CLIC4: variants seen among roughly 807,000 people sequenced by gnomAD.
The protein encoded by CLIC4 is chloride intracellular channel protein 4.
CLIC4 carries 13 observed loss-of-function variants against 24.6 expected under a neutral mutation model. That is an observed-to-expected ratio of 0.53 (90% CI 0.34 to 0.84). CLIC4 has a LOEUF of 0.84. Ranked by LOEUF, CLIC4 falls within the 40% of genes least tolerant of loss-of-function variation. CLIC4 has a pLI of 0.01. For synonymous variants in CLIC4, 104 were observed against 111.3 expected (o/e 0.93, Z 0.41); for missense variants, 227 against 301.7 (o/e 0.75, Z 1.83).
chr1:24,793,730 G>C lies in CLIC4; in HGVS notation c.73-4012G>C, dbSNP rs141437452. On this transcript the variant is annotated intron_variant, in intron 1 of 5. Coordinates refer to ENST00000374379, the MANE Select transcript of CLIC4 (RefSeq NM_013943.3). ...GGATTTTTTTTTTTTCTTAAACCAA[G>C]CTCTGTTGTAACTGTTCCATGCTGT... Among the ~76,000 whole-genome samples, 17 of 151,140 alleles carry C rather than the reference G, an allele frequency of 1.1e-4. No individual in the cohort carries two copies. In the South Asian group the frequency reaches 3.5e-3, roughly 32 times the overall value.
At chr1:24,746,557 TAAA>T (rs535734100) in intron 1 of CLIC4, among the ~76,000 whole-genome samples, 1 of 151,840 alleles carries the variant, frequency 6.6e-6, no homozygotes, top group Non-Finnish European at 1.5e-5. Context: ...CCTCAAAACT[TAAA>T]AAAAACACTT....
At chr1:24,786,403 C>T (rs944984849) in intron 1 of CLIC4, among the ~76,000 whole-genome samples, 3 of 152,110 alleles carry the variant, frequency 2.0e-5, no homozygotes, top group Non-Finnish European at 4.4e-5. Context: ...TGATTAAATA[C>T]CAGTATTATG....
intron 1 of CLIC4, among the ~76,000 whole-genome samples, chr1:24,746,073 T>C (rs1295556653): frequency 6.6e-6 from 1 of 152,042 alleles, no homozygotes; most frequent in Non-Finnish European, 1.5e-5. Context: ...CGATGAGCTT[T>C]CAAACGAACT....
intron 1 of CLIC4, among the ~76,000 whole-genome samples, chr1:24,756,192 G>A (rs946349236): frequency 2.0e-5 from 3 of 152,050 alleles, no homozygotes; most frequent in African/African-American, 7.2e-5. Flanking sequence ...GTAGAGACGG[G>A]GTTTCACCGT....
At chr1:24,792,410 T>C (rs1368789184) in intron 1 of CLIC4, among the ~76,000 whole-genome samples, 1 of 152,166 alleles carries the variant, frequency 6.6e-6, no homozygotes, top group Non-Finnish European at 1.5e-5. Context: ...CAGGCTGATC[T>C]CAAACTCCTG....
chr1:24,751,739 C>T (rs564372585), intron 1 of CLIC4, among the ~76,000 whole-genome samples: 3 of 152,326 alleles, frequency 2.0e-5, no homozygotes, highest in Non-Finnish European at 2.9e-5. Context: ...TGGCGGGCGC[C>T]TGTAATCCCG....
intron 1 of CLIC4, among the ~76,000 whole-genome samples, chr1:24,783,172 T>C (rs1639225685): frequency 6.6e-6 from 1 of 152,220 alleles, no homozygotes; most frequent in Admixed American, 6.5e-5. Context: ...ATCTTGTGTA[T>C]GTAATGTTGT....
At chr1:24,755,600 TC>T (rs1638837509) in intron 1 of CLIC4, among the ~76,000 whole-genome samples, 1 of 150,256 alleles carries the variant, frequency 6.7e-6, no homozygotes, top group African/African-American at 2.5e-5. Flanking sequence ...CCGACGGAGA[TC>T]CTATCTCTTA....
intron 1 of CLIC4, among the ~76,000 whole-genome samples, chr1:24,783,482 G>A (rs1361350759): frequency 2.0e-5 from 3 of 152,184 alleles, no homozygotes; most frequent in Middle Eastern, 3.4e-3. Context: ...CAGATGGATC[G>A]CCTGAGGTCA....
rs552630401 is a variant in CLIC4 at position 24,784,003 on chromosome 1, ATT to A, written c.73-13722_73-13721del. ...GGCAAACTTCTTCATTCCAGTTTTG[ATT>A]TTTTTTTTTTTTTTTTGAGATGGAG... On this transcript the variant is annotated intron_variant, in intron 1 of 5. Coordinates refer to ENST00000374379, the MANE Select transcript of CLIC4 (RefSeq NM_013943.3). Among the ~76,000 whole-genome samples, 579 of 130,150 alleles carry A rather than the reference ATT, an allele frequency of 4.4e-3. 3 individuals are homozygous for A. Among genetic ancestry groups the A allele is most frequent in the African/African-American group, 0.015 (519 of 35,702 alleles). 85.4% of individuals were successfully genotyped at this position (130,150 alleles called of 152,430 possible). A position where few individuals can be genotyped will look rare whatever the true frequency, so the allele number is the denominator to read the frequency against.
At chr1:24,753,779 G>C (rs773637602) in intron 1 of CLIC4, among the ~76,000 whole-genome samples, 1 of 152,120 alleles carries the variant, frequency 6.6e-6, no homozygotes, top group Non-Finnish European at 1.5e-5. Context: ...TAACTTTTCA[G>C]TGGCACTTGG....
At chr1:24,788,372 C>T (rs1200681520) in intron 1 of CLIC4, among the ~76,000 whole-genome samples, 2 of 152,196 alleles carry the variant, frequency 1.3e-5, no homozygotes, top group Non-Finnish European at 2.9e-5. Flanking sequence ...TCCCCATCCT[C>T]AGTTCTTGGC....
intron 4 of CLIC4, among the ~76,000 whole-genome samples, chr1:24,832,028 A>G (rs1036113449): frequency 3.9e-5 from 6 of 152,082 alleles, no homozygotes; most frequent in Non-Finnish European, 5.9e-5. Flanking sequence ...TTTCCTCTTA[A>G]ATATACCCAT....
chr1:24,825,033 C>G (rs1236550474), intron 3 of CLIC4, among the ~76,000 whole-genome samples: 4 of 150,368 alleles, frequency 2.7e-5, no homozygotes, highest in Admixed American at 6.6e-5. Flanking sequence ...CACACACACA[C>G]ACACACAAAA....
At chr1:24,759,224 T>G (rs1408301128) in intron 1 of CLIC4, among the ~76,000 whole-genome samples, 1 of 152,244 alleles carries the variant, frequency 6.6e-6, no homozygotes, top group African/African-American at 2.4e-5. Flanking sequence ...ATTTTATAGT[T>G]CAAGTATAAT....
At chr1:24,758,674 T>C (rs1384061961) in intron 1 of CLIC4, among the ~76,000 whole-genome samples, 1 of 152,116 alleles carries the variant, frequency 6.6e-6, no homozygotes, top group African/African-American at 2.4e-5. Context: ...GCCAGGCTGA[T>C]CTCGAACTCC....
At chr1:24,797,562 GAAAA>G (rs71032862) in intron 1 of CLIC4, among the ~76,000 whole-genome samples, 176 bp from the exon 2 acceptor site, 1 of 124,982 alleles carries the variant, frequency 8.0e-6, no homozygotes, top group Non-Finnish European at 1.6e-5. Context: ...CTCAAAAAAA[GAAAA>G]AAAAAAAAAA....
intron 1 of CLIC4, among the ~76,000 whole-genome samples, chr1:24,775,549 T>C (rs1294063663): frequency 6.6e-6 from 1 of 151,024 alleles, no homozygotes; most frequent in African/African-American, 2.4e-5. Context: ...TTCTTTCTTT[T>C]CTCTTTCTTT....
At position 24,843,216 on chromosome 1, in the gene CLIC4, C is replaced by T. The variant is rs1639960341; in HGVS notation, c.*2279C>T. 1 of 152,090 alleles carries T rather than the reference C, an allele frequency of 6.6e-6. No homozygotes were observed. The highest frequency in any genetic ancestry group is 2.1e-4 in the South Asian group (1 of 4,830). The allele number at this position is 152,090 out of a possible 1,614,324, so 9.4% of individuals were successfully genotyped here. On this transcript the variant is annotated 3_prime_UTR_variant, in exon 6 of 6. Transcript: ENST00000374379. ...ATACCACTTTATCAGGGAAGTTAGT[C>T]AAATGAAATGGAAATTGGTAAATGG...
Sources: gnomAD v4.1 joint callset for allele counts (sites outside exome capture counted in the v4.1 genomes callset) on GRCh38, gnomAD v4.1.1 for gene constraint, MANE v1.5 for transcripts, NCBI Gene and HGNC (gene_info 2026-07-23, HGNC 2026-07-21) for gene names.